The following TSPAN9 variants were observed in gnomAD, a reference collection of about 807,000 sequenced individuals.
The protein encoded by TSPAN9 is tetraspanin 9, also known as tetraspanin-9.
In TSPAN9, 16 loss-of-function variants were observed where a neutral mutation model predicts 31.0. That is an observed-to-expected ratio of 0.52 (90% CI 0.35 to 0.78). TSPAN9 has a LOEUF of 0.78. TSPAN9 is among the 30% of genes least tolerant of loss of function. The pLI, the probability that TSPAN9 is intolerant of heterozygous loss-of-function variation, is 0.01. For missense variants in TSPAN9, 272 were observed against 312.5 expected, an observed-to-expected ratio of 0.87 and a Z score of 0.98; for synonymous variants, 145 against 121.6, an observed-to-expected ratio of 1.19 and a Z score of -1.27.
At chr12:3,161,823 CTGT>C (rs2098345498) in intron 2 of TSPAN9, among the ~76,000 whole-genome samples, 1 of 150,582 alleles carries the variant, frequency 6.6e-6, no homozygotes, top group Admixed American at 6.6e-5. Context: ...ATCTGTCTGT[CTGT>C]TGTTTTAGAG....
At chr12:3,153,234 G>C (rs2098340707) in intron 2 of TSPAN9, among the ~76,000 whole-genome samples, 1 of 152,030 alleles carries the variant, frequency 6.6e-6, no homozygotes, top group African/African-American at 2.4e-5. Flanking sequence ...TTTATTTCAG[G>C]GTCAGGAGCT....
chr12:3,193,088 C>G (rs2098365282), intron 2 of TSPAN9, among the ~76,000 whole-genome samples: 1 of 152,036 alleles, frequency 6.6e-6, no homozygotes, highest in Non-Finnish European at 1.5e-5. Flanking sequence ...AGTGGTCATT[C>G]TAGGCATCCA....
intron 3 of TSPAN9, among the ~76,000 whole-genome samples, chr12:3,250,793 C>T (rs558492386): frequency 7.2e-5 from 11 of 152,318 alleles, no homozygotes; most frequent in Admixed American, 2.6e-4. Flanking sequence ...GCTTGGCTTT[C>T]GGGTGACTGT....
At chr12:3,201,075 AGAGCCGCGCCGAG>A in intron 2 of TSPAN9, 89 bp from the exon 3 acceptor site, 1 of 1,155,664 alleles carries the variant, frequency 8.7e-7, no homozygotes, top group Non-Finnish European at 1.3e-6. Context: ...TCCCGGGGCC[AGAGCCGCGCCGAG>A]GCCGGCGTTA....
chr12:3,092,103 A>G (rs530220165), intron 2 of TSPAN9, among the ~76,000 whole-genome samples: 31 of 152,262 alleles, frequency 2.0e-4, no homozygotes, highest in Non-Finnish European at 4.0e-4. Flanking sequence ...TTTTGGCCAT[A>G]GAATTGGAAA....
At chr12:3,112,364 C>T (rs1453218491) in intron 2 of TSPAN9, among the ~76,000 whole-genome samples, 4 of 151,534 alleles carry the variant, frequency 2.6e-5, no homozygotes, top group Admixed American at 6.6e-5. Flanking sequence ...TTAGTAGAGA[C>T]GGGGTTTCTC....
chr12:3,127,103 A>T (rs2098327672), intron 2 of TSPAN9, among the ~76,000 whole-genome samples: 1 of 151,554 alleles, frequency 6.6e-6, no homozygotes, highest in Admixed American at 6.6e-5. Context: ...TTATAAATTT[A>T]TATAAATATT....
chr12:3,178,593 A>G (rs2098357187), intron 2 of TSPAN9, among the ~76,000 whole-genome samples: 1 of 152,204 alleles, frequency 6.6e-6, no homozygotes, highest in Non-Finnish European at 1.5e-5. Context: ...GCCCTGCCAG[A>G]TGAAGGGGTT....
chr12:3,106,658 C>A (rs2098314842), intron 2 of TSPAN9, among the ~76,000 whole-genome samples: 1 of 152,126 alleles, frequency 6.6e-6, no homozygotes, highest in Non-Finnish European at 1.5e-5. Context: ...GTAGTCACAG[C>A]TGCTTGGGAG....
chr12:3,224,834 A>G (rs544817583), intron 3 of TSPAN9, among the ~76,000 whole-genome samples: 1 of 152,308 alleles, frequency 6.6e-6, no homozygotes, highest in African/African-American at 2.4e-5. Flanking sequence ...CCTGTCTGGT[A>G]AAAGCAGATT....
At chr12:3,208,920 A>G (rs1490509844) in intron 3 of TSPAN9, among the ~76,000 whole-genome samples, 1 of 152,184 alleles carries the variant, frequency 6.6e-6, no homozygotes, top group Non-Finnish European at 1.5e-5. Context: ...GGTAAACAGA[A>G]TAGTTCTGGA....
chr12:3,269,582 G>GCA (rs1862632150), intron 3 of TSPAN9, among the ~76,000 whole-genome samples: 1 of 151,696 alleles, frequency 6.6e-6, no homozygotes, highest in African/African-American at 2.4e-5. Flanking sequence ...CCCTCTCTGT[G>GCA]TTCCTGCAGC....
At chr12:3,206,710 G>A (rs532029340) in intron 3 of TSPAN9, among the ~76,000 whole-genome samples, 119 of 152,198 alleles carry the variant, frequency 7.8e-4, no homozygotes, top group South Asian at 3.1e-3. Flanking sequence ...GCCGTAAGCC[G>A]GGACTTTGAG....
chr12:3,190,921 C>T (rs1565607909), intron 2 of TSPAN9, among the ~76,000 whole-genome samples: 2 of 152,228 alleles, frequency 1.3e-5, no homozygotes, highest in African/African-American at 4.8e-5. Flanking sequence ...GGGACACAGT[C>T]CTTGCATTCA....
At position 3,210,447 on chromosome 12, in the gene TSPAN9, C is replaced by T. The variant is rs184533533; in HGVS notation, c.63+9191C>T. 2.8e-4 allele frequency among the ~76,000 whole-genome samples: 43 copies of T among 152,280 alleles called. 1 individual carries two copies. Among genetic ancestry groups the T allele is most frequent in the African/African-American group, 9.9e-4 (41 of 41,558 alleles). ...GGACATCTTTTCATATGTTCCTTAG[C>T]CATTCTTTCATCTTCTGTGAATGCA... On this transcript the variant is annotated intron_variant, in intron 3 of 8. Coordinates refer to ENST00000011898, the MANE Select transcript of TSPAN9 (RefSeq NM_006675.5).
intron 3 of TSPAN9, among the ~76,000 whole-genome samples, chr12:3,228,626 G>T (rs1488018415): frequency 3.3e-5 from 5 of 152,234 alleles, no homozygotes; most frequent in Non-Finnish European, 7.3e-5. Flanking sequence ...GTGCTGCCTG[G>T]CTGCAGAGCA....
In TSPAN9 at chr12:3,284,904, C is replaced by CCTCTGTT. The variant is rs533998039; in HGVS notation, c.*1790_*1796dup. On this transcript the variant is annotated 3_prime_UTR_variant, in exon 9 of 9. Transcript: ENST00000011898. The stretch of plus-strand genomic sequence containing the variant: ...ACACGGCCACCCAGCACCAGTCACT[C>CCTCTGTT]CTCTGTTCACCTTAAGTAACACACA... 136 of 152,392 alleles carry CCTCTGTT rather than the reference C, an allele frequency of 8.9e-4. No homozygotes were observed. Among genetic ancestry groups the CCTCTGTT allele is most frequent in the African/African-American group, 3.0e-3 (125 of 41,574 alleles). The allele number at this position is 152,392 out of a possible 1,614,324, so 9.4% of individuals were successfully genotyped here. A position where few individuals can be genotyped will look rare whatever the true frequency, so the allele number is the denominator to read the frequency against.
At chr12:3,282,032 G>A (rs1490926010) in intron 8 of TSPAN9, 5 of 723,120 alleles carry the variant, frequency 6.9e-6, no homozygotes, top group Non-Finnish European at 1.3e-5. Flanking sequence ...GCTCAGGGCT[G>A]CCTGTGGCCA....
At position 3,168,252 on chromosome 12, in the gene TSPAN9, G is replaced by C. The variant is rs77679943; in HGVS notation, c.-17-32925G>C. ...ATCTTCATCCCTCTACACTGTGCCA[G>C]CTCTTTCCAGATGCTTCAAACCTTT... On this transcript the variant is annotated intron_variant, in intron 2 of 8. Transcript: ENST00000011898. The surrounding 1 kb of genome is among the most constrained non-coding windows in gnomAD (Gnocchi z 4.0). Among the ~76,000 whole-genome samples the C allele has an allele frequency of 4.6e-3, 700 of 152,320 alleles. 3 individuals are homozygous for C. Among genetic ancestry groups the C allele is most frequent in the Non-Finnish European group, 7.6e-3 (514 of 68,028 alleles).
Sources: allele counts gnomAD v4.1 joint callset (sites outside exome capture counted in the v4.1 genomes callset), GRCh38; gene constraint gnomAD v4.1.1; non-coding constraint Gnocchi (gnomAD v3.1); transcripts MANE v1.5; gene names NCBI Gene and HGNC (gene_info 2026-07-23, HGNC 2026-07-21).